PTPN21: variants seen among roughly 807,000 people sequenced by gnomAD.
PTPN21 encodes the protein protein tyrosine phosphatase non-receptor type 21, also known as tyrosine-protein phosphatase non-receptor type 21.
Under a neutral mutation model 131.8 loss-of-function variants are expected in PTPN21, and 77 were observed. The observed-to-expected ratio is 0.58, with a 90% CI of 0.49 to 0.71. The LOEUF is 0.71. Among genes scored for constraint, PTPN21 ranks in the 30% least tolerant of loss-of-function variants. PTPN21 has a pLI of 0.00. For missense variants in PTPN21, 1,552 were observed against 1,527.1 expected (o/e 1.02, Z -0.27); for synonymous variants, 715 against 621.3 (o/e 1.15, Z -2.24).
Position 88,468,142 on chromosome 14 carries a change from T to G in PTPN21, c.3520A>C (p.Ile1174Leu), listed in dbSNP as rs2077393926. The change falls in exon 19 of 19, where the codon ATC (isoleucine) becomes CTC (leucine). Residue 1174 changes from isoleucine (I) to leucine (L), a missense_variant. Coordinates refer to ENST00000556564, the MANE Select transcript of PTPN21 (RefSeq NM_007039.4). Reference protein sequence around the residue: ...LIQFLKSSRLI With the variant: ...LIQFLKSSRLL ...CCGTAAGAAATTGTGGGAGCTTAGA[T>G]GAGCCTGGAGCTTTTCAGGAACTGG... 4 of 1,614,040 alleles carry G rather than the reference T, an allele frequency of 2.5e-6. No homozygotes were observed. The highest frequency in any genetic ancestry group is 3.4e-6 in the Non-Finnish European group (4 of 1,179,926).
At chr14:88,500,434 T>C (rs2077991232) in intron 8 of PTPN21, among the ~76,000 whole-genome samples, 2 of 152,042 alleles carry the variant, frequency 1.3e-5, no homozygotes. Context: ...TGCCTCACAA[T>C]AAATAAATTA....
At chr14:88,470,165 A>C in intron 15 of PTPN21, 115 bp from the exon 16 acceptor site, 1 of 932,188 alleles carries the variant, frequency 1.1e-6, no homozygotes, top group Non-Finnish European at 1.6e-6. Context: ...AAAGTAAAAA[A>C]GTAGTAAACT....
At chr14:88,552,198 C>T (rs1022336397) in intron 1 of PTPN21, 4 of 152,276 alleles carry the variant, frequency 2.6e-5, no homozygotes, top group African/African-American at 4.8e-5. Context: ...TCCCAAATTC[C>T]ACAGTCCCAG....
chr14:88,519,260 T>C (rs540614879), intron 2 of PTPN21, among the ~76,000 whole-genome samples: 4 of 152,206 alleles, frequency 2.6e-5, no homozygotes, highest in South Asian at 4.1e-4. Context: ...ATTAAGACAA[T>C]TGGAAAATCA....
At chr14:88,525,116 T>C (rs1392231579) in intron 2 of PTPN21, among the ~76,000 whole-genome samples, 1 of 152,142 alleles carries the variant, frequency 6.6e-6, no homozygotes, top group Non-Finnish European at 1.5e-5. Flanking sequence ...GGCACACACC[T>C]GTAGTCCCAG....
chr14:88,508,228 A>G (rs547422646), intron 3 of PTPN21, among the ~76,000 whole-genome samples: 1 of 149,892 alleles, frequency 6.7e-6, no homozygotes, highest in East Asian at 2.0e-4. Context: ...TGCTCACTGT[A>G]GCGTCAACCT....
At chr14:88,507,734 C>T (rs1450644816) in intron 4 of PTPN21, among the ~76,000 whole-genome samples, 189 bp downstream of exon 4, 2 of 152,140 alleles carry the variant, frequency 1.3e-5, no homozygotes. Context: ...CCAGAAGTCT[C>T]ATATTTCATT....
chr14:88,532,654 C>T (rs989212306), intron 2 of PTPN21, among the ~76,000 whole-genome samples: 2 of 151,608 alleles, frequency 1.3e-5, no homozygotes, highest in Non-Finnish European at 2.9e-5. Flanking sequence ...ATGAGTTTAG[C>T]GATTTGGTAA....
intron 10 of PTPN21, among the ~76,000 whole-genome samples, chr14:88,495,542 C>T (rs1347332349): frequency 6.6e-6 from 1 of 152,144 alleles, no homozygotes; most frequent in African/African-American, 2.4e-5. Flanking sequence ...TGCCTGTAAT[C>T]CCAGCTACTC....
intron 2 of PTPN21, among the ~76,000 whole-genome samples, chr14:88,535,988 T>C (rs1177178326): frequency 2.6e-5 from 4 of 152,252 alleles, no homozygotes; most frequent in East Asian, 1.9e-4. Flanking sequence ...TGCCACACTT[T>C]GTTATATAAC....
At chr14:88,541,799 G>T (rs1364569090) in intron 2 of PTPN21, among the ~76,000 whole-genome samples, 1 of 152,240 alleles carries the variant, frequency 6.6e-6, no homozygotes, top group African/African-American at 2.4e-5. Context: ...TTTTAATTAT[G>T]AAGGTCTTGA....
rs775554025 is a variant in PTPN21 at position 88,478,937 on chromosome 14, C to A, written c.2494G>T (p.Gly832Trp). The A allele has an allele frequency of 6.0e-6, 9 of 1,510,618 alleles. No homozygotes were observed. The highest frequency in any genetic ancestry group is 1.4e-5 in the African/African-American group (1 of 70,808). The allele number at this position is 1,510,618 out of a possible 1,614,324, so 93.6% of individuals were successfully genotyped here. The change falls in exon 13 of 19, where the codon GGG becomes TGG. Residue 832 changes from glycine to tryptophan, a missense_variant. Physicochemically the swap from Gly to Trp is radical, Grantham distance 184. Transcript: ENST00000556564. ...TGGCTTACCCCTAGAGGCGGGAGCC[C>A]TTCCACGATGTTCTTCTTCCCAGAG... is the stretch of plus-strand genomic sequence containing the variant. ...LLSGKKNIVE[G>W]LPPLGGMKKT... is the part of the protein sequence containing the mutation.
At chr14:88,519,203 G>T (rs1447756616) in intron 2 of PTPN21, among the ~76,000 whole-genome samples, 4 of 152,178 alleles carry the variant, frequency 2.6e-5, no homozygotes, top group Non-Finnish European at 4.4e-5. Context: ...GAGCTGAAAT[G>T]ACAGCCTCAA....
At chr14:88,492,928 T>G in intron 10 of PTPN21, 1 of 357,380 alleles carries the variant, frequency 2.8e-6, no homozygotes, top group Middle Eastern at 3.8e-4. Flanking sequence ...TCATGGAGCT[T>G]CATCAAACAA....
At chr14:88,546,538 T>C (rs1319403248) in intron 2 of PTPN21, among the ~76,000 whole-genome samples, 3 of 149,796 alleles carry the variant, frequency 2.0e-5, no homozygotes, top group African/African-American at 4.9e-5. Flanking sequence ...ATCGCGCCAT[T>C]GTACTCCAGC....
intron 1 of PTPN21, chr14:88,551,344 G>A (rs899427068): frequency 2.0e-5 from 3 of 152,272 alleles, no homozygotes; most frequent in Non-Finnish European, 4.4e-5. Context: ...AGGGGAGGCG[G>A]GCGAGGTCTT....
chr14:88,516,641 C>T (rs1047184094), intron 3 of PTPN21, among the ~76,000 whole-genome samples: 4 of 152,168 alleles, frequency 2.6e-5, no homozygotes, highest in African/African-American at 9.7e-5. Flanking sequence ...ACTTCCCTCC[C>T]TCTCCTCTGT....
rs758935628 is a variant in PTPN21 at position 88,479,523 on chromosome 14, G to C, written c.1908C>G (p.Asn636Lys). Residue 636 changes from asparagine to lysine, a missense_variant, in exon 13 of 19, where the codon AAC becomes AAG. This residue lies in a region of PTPN21 where 1,016 missense variants were observed against 883.5 expected (regional missense o/e 1.15). Transcript: ENST00000556564. Reference sequence around the variant, plus strand: ...GGCTGAGCCCGGCCACCTCGATGCTGTTCCGTTTGTGCAGCTGCGCGTGGC... The same window carrying C: ...GGCTGAGCCCGGCCACCTCGATGCTCTTCCGTTTGTGCAGCTGCGCGTGGC... Reference protein sequence around the residue: ...AARHAQLHKRNSIEVAGLSHG... With the variant: ...AARHAQLHKRKSIEVAGLSHG... 6.2e-7 allele frequency: 1 copy of C among 1,600,716 alleles called. No homozygotes were observed. The highest frequency in any genetic ancestry group is 8.5e-7 in the Non-Finnish European group (1 of 1,179,310).
In PTPN21 at chr14:88,467,932, G is replaced by T; in HGVS notation, c.*205C>A. 1 of 683,030 alleles carries T rather than the reference G, an allele frequency of 1.5e-6. No homozygotes were observed. The highest frequency in any genetic ancestry group is 2.5e-6 in the Non-Finnish European group (1 of 399,014). 42.3% of individuals were successfully genotyped at this position (683,030 alleles called of 1,614,324 possible). A position where few individuals can be genotyped will look rare whatever the true frequency, so the allele number is the denominator to read the frequency against. On this transcript the variant is annotated 3_prime_UTR_variant, in exon 19 of 19. Transcript: ENST00000556564. ...AGGCCCTTGAAACCAAGTCCTCCTTGAGCACCTTTCCCAGGTTAGAAACCC... is the reference window on the plus strand; with the variant it reads ...AGGCCCTTGAAACCAAGTCCTCCTTTAGCACCTTTCCCAGGTTAGAAACCC...
Sources: gnomAD v4.1 joint callset for allele counts (sites outside exome capture counted in the v4.1 genomes callset) on GRCh38, gnomAD v4.1.1 for gene constraint, gnomAD v4.1.1 regional missense constraint, MANE v1.5 for transcripts, NCBI Gene and HGNC (gene_info 2026-07-23, HGNC 2026-07-21) for gene names.